The following LARP4B variants were observed in gnomAD, a reference collection of about 807,000 sequenced individuals.
The protein encoded by LARP4B is la-related protein 4B.
In LARP4B, 12 loss-of-function variants were observed where a neutral mutation model predicts 89.8. The observed-to-expected ratio is 0.13, with a 90% CI of 0.09 to 0.22. The LOEUF (loss-of-function observed/expected upper bound fraction) is 0.22, where lower values mean the gene tolerates loss of function less well. LARP4B is among the 10% of genes least tolerant of loss of function. The pLI is 1.00. For missense variants in LARP4B, 757 were observed against 947.7 expected (o/e 0.80, Z 2.64); for synonymous variants, 367 against 363.3 (o/e 1.01, Z -0.12).
chr10:928,419 T>A (rs1333491908), intron 1 of LARP4B, among the ~76,000 whole-genome samples: 1 of 152,182 alleles, frequency 6.6e-6, no homozygotes, highest in Non-Finnish European at 1.5e-5. Context: ...AATTTTAACA[T>A]GACAATGAAA....
chr10:833,182 T>C (rs553381422), intron 8 of LARP4B, among the ~76,000 whole-genome samples: 15 of 129,462 alleles, frequency 1.2e-4, no homozygotes, highest in African/African-American at 4.4e-4. Context: ...TGGGACACAA[T>C]GGAAGTAGAA....
rs1831695703 is a variant in LARP4B, at chr10:810,258, TATG to T, written c.*2665_*2667del. The stretch of plus-strand genomic sequence containing the variant: ...GGCATGGACCGCCACAGCTTCCTAT[TATG>T]ATAACTCTCATTTTCTTCTGAGCAG... On this transcript the variant is annotated 3_prime_UTR_variant, in exon 18 of 18. Coordinates refer to ENST00000316157, the MANE Select transcript of LARP4B (RefSeq NM_015155.3). The T allele has an allele frequency of 6.6e-6, 1 of 152,354 alleles. No homozygotes were observed. Among genetic ancestry groups the T allele is most frequent in the South Asian group, 2.1e-4 (1 of 4,828 alleles). The allele number at this position is 152,354 out of a possible 1,614,324, so 9.4% of individuals were successfully genotyped here.
chr10:878,145 A>G (rs760508842), intron 3 of LARP4B, among the ~76,000 whole-genome samples: 7 of 152,256 alleles, frequency 4.6e-5, no homozygotes, highest in Non-Finnish European at 8.8e-5. Flanking sequence ...AGCGTGCCAG[A>G]GGAGAGCCAG....
At chr10:977,647 CTTG>C in the LARP4B span, among the ~76,000 whole-genome samples, 1 of 151,954 alleles carries the variant, frequency 6.6e-6, no homozygotes, top group Non-Finnish European at 1.5e-5. Flanking sequence ...AGTTCTTTTT[CTTG>C]TTATTATTCC....
In LARP4B at chr10:830,895, G is replaced by T; in HGVS notation, c.833C>A (p.Thr278Lys). 1.4e-6 allele frequency: 2 copies of T among 1,424,318 alleles called. No homozygotes were observed. Among genetic ancestry groups the T allele is most frequent in the Non-Finnish European group, 2.0e-6 (2 of 1,012,040 alleles). 88.2% of individuals were successfully genotyped at this position (1,424,318 alleles called of 1,614,324 possible). Residue 278 changes from threonine to lysine, a missense_variant, in exon 9 of 18, where the codon ACA (threonine) becomes AAA (lysine). By Grantham distance (78) the Thr-to-Lys change is moderately conservative. This residue lies in a region of LARP4B where 137 missense variants were observed against 213.9 expected (regional missense o/e 0.64). Transcript: ENST00000316157. ...EFAYNDNWFI[T>K]FETEADAQQA... is the part of the protein sequence containing the mutation. Reference sequence around the variant, plus strand: ...TTGTGCATCAGCTTCTGTTTCAAATGTAATAAACCAATTATCATTATATGC... The same window carrying T: ...TTGTGCATCAGCTTCTGTTTCAAATTTAATAAACCAATTATCATTATATGC...
chr10:931,108 GGCCCCGGCCTTCCCCT>G (rs1830587996), intron 1 of LARP4B, among the ~76,000 whole-genome samples: 1 of 150,456 alleles, frequency 6.6e-6, no homozygotes, highest in South Asian at 2.1e-4. Context: ...CCTAAGCCCC[GGCCCCGGCCTTCCCCT>G]GCCCCGGCCT....
intron 5 of LARP4B, among the ~76,000 whole-genome samples, chr10:846,640 G>A (rs113192360): frequency 1.3e-5 from 2 of 152,300 alleles, no homozygotes; most frequent in African/African-American, 4.8e-5. Flanking sequence ...TAACCTAAAC[G>A]TAATAGAAAA....
the LARP4B span, among the ~76,000 whole-genome samples, chr10:980,837 A>G: frequency 6.6e-6 from 1 of 152,246 alleles, no homozygotes; most frequent in Admixed American, 6.5e-5. Context: ...GCAAGTGGTC[A>G]TTCTGCAGCC....
chr10:834,873 G>C (rs765950398), intron 8 of LARP4B, among the ~76,000 whole-genome samples: 1 of 151,606 alleles, frequency 6.6e-6, no homozygotes, highest in African/African-American at 2.4e-5. Context: ...GTCCTCGGCC[G>C]GGCGCGGTGG....
At chr10:817,613 C>G (rs1414194640) in intron 15 of LARP4B, 112 bp downstream of exon 15, 2 of 1,083,832 alleles carry the variant, frequency 1.8e-6, no homozygotes, top group Non-Finnish European at 2.7e-6. Context: ...GGCCTCCAAG[C>G]CTCTCTTGAG....
At chr10:841,900 T>C (rs1378787187) in intron 7 of LARP4B, among the ~76,000 whole-genome samples, 1 of 152,192 alleles carries the variant, frequency 6.6e-6, no homozygotes, top group African/African-American at 2.4e-5. Context: ...TATATTTTAT[T>C]TGTGAAAAGA....
chr10:969,568 A>G, the LARP4B span, among the ~76,000 whole-genome samples: 1 of 152,106 alleles, frequency 6.6e-6, no homozygotes, highest in Admixed American at 6.6e-5. Context: ...TGTGTCTACT[A>G]AAAATACAGA....
the LARP4B span, among the ~76,000 whole-genome samples, chr10:976,577 A>G: frequency 6.9e-6 from 1 of 145,792 alleles, no homozygotes; most frequent in Non-Finnish European, 1.5e-5. Flanking sequence ...CCGGCCTAGT[A>G]GAAGGTAGGC....
At chr10:878,579 C>T (rs780409997) in intron 3 of LARP4B, among the ~76,000 whole-genome samples, 20 of 152,328 alleles carry the variant, frequency 1.3e-4, no homozygotes, top group Middle Eastern at 3.4e-3. Flanking sequence ...GGATTACCTA[C>T]GTGTGTTTAT....
chr10:883,234 G>A (rs953347636), intron 3 of LARP4B, among the ~76,000 whole-genome samples: 9 of 152,264 alleles, frequency 5.9e-5, no homozygotes, highest in Admixed American at 6.5e-5. Context: ...AATGTGCACC[G>A]GGCACGGTGG....
rs74115833 is a variant in LARP4B at position 866,018 on chromosome 10, A to G, written c.142-1748T>C. Among the ~76,000 whole-genome samples the G allele has an allele frequency of 8.8e-3, 1,346 of 152,324 alleles. 25 individuals are homozygous for G. Among genetic ancestry groups the G allele is most frequent in the African/African-American group, 0.031 (1,275 of 41,562 alleles). On this transcript the variant is annotated intron_variant, in intron 3 of 17. Coordinates refer to ENST00000316157, the MANE Select transcript of LARP4B (RefSeq NM_015155.3). ...TGGGTGCATTAACAATTTTTAAAAG[A>G]CAGAATAAATCCACATTGGCTCAGG...
intron 1 of LARP4B, among the ~76,000 whole-genome samples, chr10:909,261 T>C (rs1588982101): frequency 7.7e-6 from 1 of 130,112 alleles, no homozygotes; most frequent in Non-Finnish European, 1.5e-5. Context: ...GCCACTGCAA[T>C]CCAGCCTGGG....
In LARP4B at chr10:817,904, C is replaced by A. The variant is rs954514776; in HGVS notation, c.1531-15G>T. On this transcript the variant is annotated splice_polypyrimidine_tract_variant and intron_variant, in intron 14 of 17. Coordinates refer to ENST00000316157, the MANE Select transcript of LARP4B (RefSeq NM_015155.3). ...GTCTGGCTGCTCTGCAACAGAATGACACCCCAGGGTCACGGTATGGAGAGA... is the reference window on the plus strand; with the variant it reads ...GTCTGGCTGCTCTGCAACAGAATGAAACCCCAGGGTCACGGTATGGAGAGA... 6.2e-7 allele frequency: 1 copy of A among 1,610,102 alleles called. No individual in the cohort carries two copies. The highest frequency in any genetic ancestry group is 1.3e-5 in the African/African-American group (1 of 74,834).
At chr10:868,447 C>T (rs898836151) in intron 3 of LARP4B, among the ~76,000 whole-genome samples, 1 of 150,404 alleles carries the variant, frequency 6.6e-6, no homozygotes, top group African/African-American at 2.4e-5. Context: ...GGCAAGGCAC[C>T]ATCGTTAAAC....
Sources: allele counts gnomAD v4.1 joint callset (sites outside exome capture counted in the v4.1 genomes callset), GRCh38; gene constraint gnomAD v4.1.1; regional missense constraint gnomAD v4.1.1; transcripts MANE v1.5; gene names NCBI Gene and HGNC (gene_info 2026-07-23, HGNC 2026-07-21).